CSMD1: variants seen among roughly 807,000 people sequenced by gnomAD.
CSMD1 encodes the protein CUB and sushi domain-containing protein 1.
CSMD1 carries 213 observed loss-of-function variants against 417.5 expected under a neutral mutation model. That is an observed-to-expected ratio of 0.51 (90% CI 0.46 to 0.57). The LOEUF (loss-of-function observed/expected upper bound fraction) is 0.57. Ranked by LOEUF, CSMD1 falls within the 20% of genes least tolerant of loss-of-function variation. The pLI is 0.00. For missense variants in CSMD1, 6,923 were observed against 4,529.7 expected (o/e 1.53, Z -15.17); for synonymous variants, 2,862 against 1,736.8 (o/e 1.65, Z -16.11).
intron 1 of CSMD1, among the ~76,000 whole-genome samples, chr8:4,641,890 A>G (rs1057142007): frequency 1.3e-4 from 20 of 152,356 alleles, no homozygotes; most frequent in African/African-American, 4.8e-4. Flanking sequence ...TTGGAAACAT[A>G]AACATCACTC....
chr8:4,285,867 G>T (rs1333434705), intron 3 of CSMD1, among the ~76,000 whole-genome samples: 2 of 152,134 alleles, frequency 1.3e-5, no homozygotes, highest in African/African-American at 4.8e-5. Flanking sequence ...TCTACTTGTG[G>T]TCTCTTCCAG....
At chr8:4,203,592 C>A (rs1039582412) in intron 3 of CSMD1, among the ~76,000 whole-genome samples, 1 of 152,088 alleles carries the variant, frequency 6.6e-6, no homozygotes, top group East Asian at 1.9e-4. Context: ...GACTTAGAAT[C>A]AAAGAGCAGC....
chr8:3,816,192 G>A (rs1801356067), intron 5 of CSMD1, among the ~76,000 whole-genome samples: 3 of 152,128 alleles, frequency 2.0e-5, no homozygotes, highest in African/African-American at 7.2e-5. Context: ...CTCTGCATCT[G>A]GGAGAATCAC....
chr8:3,924,484 T>C (rs544284886), intron 5 of CSMD1, among the ~76,000 whole-genome samples: 4 of 152,316 alleles, frequency 2.6e-5, no homozygotes, highest in South Asian at 2.1e-4. Flanking sequence ...CTGAGACTTC[T>C]ATGATACATA....
At chr8:4,154,160 C>G (rs1363373377) in intron 3 of CSMD1, among the ~76,000 whole-genome samples, 1 of 152,132 alleles carries the variant, frequency 6.6e-6, no homozygotes, top group Non-Finnish European at 1.5e-5. Flanking sequence ...AATTTTACAC[C>G]TATGATAGGA....
intron 18 of CSMD1, among the ~76,000 whole-genome samples, chr8:3,374,922 T>C (rs867949029): frequency 3.3e-5 from 5 of 152,126 alleles, no homozygotes; most frequent in Admixed American, 6.6e-5. Flanking sequence ...AACTCAGAAA[T>C]TGAATTCAAC....
intron 3 of CSMD1, among the ~76,000 whole-genome samples, chr8:4,074,397 A>C (rs1799715339): frequency 6.6e-6 from 1 of 152,118 alleles, no homozygotes; most frequent in African/African-American, 2.4e-5. Context: ...TGTCTATCTC[A>C]TCAAGATAGA....
At chr8:3,943,525 TAC>T (rs955862338) in intron 5 of CSMD1, among the ~76,000 whole-genome samples, 2 of 151,422 alleles carry the variant, frequency 1.3e-5, no homozygotes, top group Non-Finnish European at 2.9e-5. Context: ...ATGGAATCTG[TAC>T]AGAGATTCAA....
At chr8:3,394,003 A>T (rs10089251) in intron 17 of CSMD1, among the ~76,000 whole-genome samples, 3,987 of 47,538 alleles carry the variant, frequency 0.084, 422 homozygotes, top group East Asian at 0.26. Context: ...ATAATAATAA[A>T]AAAATAAATT....
intron 10 of CSMD1, among the ~76,000 whole-genome samples, chr8:3,530,307 C>G (rs1797924050): frequency 6.6e-6 from 1 of 152,022 alleles, no homozygotes. Flanking sequence ...ACAAATGTCC[C>G]TCTTGGCCCT....
chr8:4,414,028 C>G (rs1469194795), intron 3 of CSMD1, among the ~76,000 whole-genome samples: 2 of 151,906 alleles, frequency 1.3e-5, no homozygotes, highest in African/African-American at 4.8e-5. Flanking sequence ...TGTGCTAGCA[C>G]GTTCTTGAAA....
At position 3,862,044 on chromosome 8, in the gene CSMD1, T is replaced by C. The variant is rs925344004; in HGVS notation, c.819-108002A>G. Among the ~76,000 whole-genome samples, 16 of 152,216 alleles carry C rather than the reference T, an allele frequency of 1.1e-4. 1 individual carries two copies. Among genetic ancestry groups the C allele is most frequent in the Admixed American group, 2.0e-4 (3 of 15,280 alleles). On this transcript the variant is annotated intron_variant, in intron 5 of 69. Coordinates refer to ENST00000635120, the MANE Select transcript of CSMD1 (RefSeq NM_033225.6). ...ATTCCATGCCCCAACCATTGCTTGC[T>C]AAATCAAAGTTTTCTCTCCCATGTG...
At chr8:2,956,298 T>G (rs549804209) in intron 63 of CSMD1, among the ~76,000 whole-genome samples, 27 of 152,152 alleles carry the variant, frequency 1.8e-4, no homozygotes, top group Non-Finnish European at 3.1e-4. Flanking sequence ...TAGATTCTTA[T>G]TTTCTTTGAA....
chr8:4,373,592 C>A (rs979856666), intron 3 of CSMD1, among the ~76,000 whole-genome samples: 1 of 152,128 alleles, frequency 6.6e-6, no homozygotes, highest in Non-Finnish European at 1.5e-5. Flanking sequence ...TTTAATTTTC[C>A]TATGTGCGAT....
Position 3,399,527 on chromosome 8 carries a change from G to A in CSMD1, c.2269C>T (p.Pro757Ser), listed in dbSNP as rs200757644. Residue 757 changes from proline to serine, a missense_variant and splice_region_variant, in exon 16 of 70, where the codon CCA (proline) becomes TCA (serine). Physicochemically the swap from Pro to Ser is moderately conservative, Grantham distance 74 (BLOSUM62 -1). Transcript: ENST00000635120. ...WSSTVPRCEA[P>S]CGGHLTASSG... ...GACGCTGTCAGATGTCCACCACATG[G>A]AGCTAAAACAAGACGTAGAATATCT... The A allele has an allele frequency of 6.3e-7, 1 of 1,584,010 alleles. No individual in the cohort carries two copies. The highest frequency in any genetic ancestry group is 8.6e-7 in the Non-Finnish European group (1 of 1,167,544).
rs531062571 is a variant in CSMD1, at chr8:3,725,631, G to A, written c.932-17140C>T. ...GAGAAGGTTTCAGGGAAGGAGTGAT[G>A]TCCAAGCAACAGGATGGAGTGAGCA... is the stretch of plus-strand genomic sequence containing the variant. On this transcript the variant is annotated intron_variant, in intron 6 of 69. Transcript: ENST00000635120. Among the ~76,000 whole-genome samples the A allele has an allele frequency of 1.4e-4, 22 of 152,236 alleles. No homozygotes were observed. In the South Asian group the frequency reaches 4.6e-3, roughly 32 times the overall value.
At position 4,540,028 on chromosome 8, in the gene CSMD1, G is replaced by A. The variant is rs116405127; in HGVS notation, c.302+97314C>T. ...CGGGGCCCTCTTCCCCTCCTCACTCGCCAAGCAGCAAGCTGAACCTCCCCC... is the reference window on the plus strand; with the variant it reads ...CGGGGCCCTCTTCCCCTCCTCACTCACCAAGCAGCAAGCTGAACCTCCCCC... On this transcript the variant is annotated intron_variant, in intron 2 of 69. Transcript: ENST00000635120. Among the ~76,000 whole-genome samples the A allele has an allele frequency of 4.1e-3, 624 of 152,176 alleles. 5 individuals are homozygous for A. Among genetic ancestry groups the A allele is most frequent in the African/African-American group, 0.014 (585 of 41,522 alleles).
intron 3 of CSMD1, among the ~76,000 whole-genome samples, chr8:4,326,438 A>C (rs9314525): frequency 4.5e-4 from 68 of 152,000 alleles, no homozygotes; most frequent in African/African-American, 1.6e-3. Flanking sequence ...GCAGCTACTG[A>C]GCAAGAGGTA....
At chr8:4,457,232 C>A (rs1184461155) in intron 2 of CSMD1, among the ~76,000 whole-genome samples, 1 of 152,064 alleles carries the variant, frequency 6.6e-6, no homozygotes, top group Non-Finnish European at 1.5e-5. Context: ...TCATCTTTCC[C>A]ATTCTCAACC....
Sources: allele counts gnomAD v4.1 joint callset (sites outside exome capture counted in the v4.1 genomes callset), GRCh38; gene constraint gnomAD v4.1.1; transcripts MANE v1.5; gene names NCBI Gene and HGNC (gene_info 2026-07-23, HGNC 2026-07-21).